CDH8: variants seen among roughly 807,000 people sequenced by gnomAD.
CDH8 encodes the protein cadherin 8.
In CDH8, 17 loss-of-function variants were observed where a neutral mutation model predicts 68.1. That is an observed-to-expected ratio of 0.25 (90% CI 0.17 to 0.37). The LOEUF (loss-of-function observed/expected upper bound fraction) is 0.37. CDH8 is among the 10% of genes least tolerant of loss of function. The probability of loss-of-function intolerance (pLI) is 1.00; values close to 1 mark genes in which losing one functional copy is unlikely to be tolerated. For synonymous variants in CDH8, 372 were observed against 365.1 expected, an observed-to-expected ratio of 1.02 and a Z score of -0.21; for missense variants, 763 against 999.3, an observed-to-expected ratio of 0.76 and a Z score of 3.19.
chr16:61,851,185 G>C lies in CDH8; in HGVS notation c.667+5934C>G, dbSNP rs77587771. The stretch of plus-strand genomic sequence containing the variant: ...ATAAAAAGGACTCAATTCCATGAAG[G>C]CATTCCATGAAGACTCCATGTATTA... On this transcript the variant is annotated intron_variant, in intron 4 of 11. Coordinates refer to ENST00000577390, the MANE Select transcript of CDH8 (RefSeq NM_001796.5). 1.1e-3 allele frequency among the ~76,000 whole-genome samples: 168 copies of C among 152,016 alleles called. 1 individual carries two copies. Among genetic ancestry groups the C allele is most frequent in the African/African-American group, 4.0e-3 (164 of 41,500 alleles).
chr16:61,701,049 G>T (rs924189610), intron 10 of CDH8, among the ~76,000 whole-genome samples: 5 of 152,078 alleles, frequency 3.3e-5, no homozygotes, highest in African/African-American at 1.2e-4. Context: ...ACTAATAAAA[G>T]AATAAATAAA....
intron 2 of CDH8, among the ~76,000 whole-genome samples, chr16:62,020,141 C>A (rs1183260232): frequency 6.6e-6 from 1 of 152,094 alleles, no homozygotes; most frequent in Non-Finnish European, 1.5e-5. Flanking sequence ...TCAGAAGTTC[C>A]CAGTGAAACA....
intron 2 of CDH8, among the ~76,000 whole-genome samples, chr16:61,949,520 T>C (rs527261689): frequency 3.8e-4 from 58 of 152,236 alleles, no homozygotes; most frequent in Middle Eastern, 3.4e-3. Context: ...ATCTTGCTGC[T>C]GCTCACTCTT....
At chr16:61,953,275 A>G (rs775616281) in intron 2 of CDH8, among the ~76,000 whole-genome samples, 52 of 152,162 alleles carry the variant, frequency 3.4e-4, no homozygotes, top group Non-Finnish European at 6.3e-4. Context: ...ATATAAATTA[A>G]TACAAGACAT....
intron 1 of CDH8, among the ~76,000 whole-genome samples, chr16:62,034,488 T>C (rs1039017061): frequency 6.6e-6 from 1 of 152,024 alleles, no homozygotes; most frequent in Non-Finnish European, 1.5e-5. Context: ...GTCAGGAGTG[T>C]TGTAAAGAGA....
At chr16:61,911,658 T>G (rs1964165309) in intron 2 of CDH8, among the ~76,000 whole-genome samples, 1 of 149,568 alleles carries the variant, frequency 6.7e-6, no homozygotes. Context: ...TTTTCACTCT[T>G]GATAGGTAGA....
chr16:61,879,355 C>T (rs1963525530), intron 3 of CDH8, among the ~76,000 whole-genome samples: 1 of 152,190 alleles, frequency 6.6e-6, no homozygotes, highest in East Asian at 1.9e-4. Flanking sequence ...ATTTCTGAAT[C>T]AATTTGGTTC....
chr16:61,655,525 A>G lies in CDH8; in HGVS notation c.1851T>C (p.Ile617=). 1.2e-6 allele frequency: 2 copies of G among 1,614,114 alleles called. No individual in the cohort carries two copies. Among genetic ancestry groups the G allele is most frequent in the East Asian group, 2.2e-5 (1 of 44,850 alleles). The stretch of plus-strand genomic sequence containing the variant: ...CAATTAAGGCGCCCATACTGAGTCC[A>G]ATTGGAAGGACATAAGCTTCGACAT... The part of the protein sequence containing the change: ...SCNVEAYVLP[I]GLSMGALIAI... Residue 617 remains isoleucine (I), a synonymous_variant, in exon 11 of 12, where the codon ATT becomes ATC. Transcript: ENST00000577390.
At chr16:61,676,425 C>T (rs1963912773) in intron 10 of CDH8, among the ~76,000 whole-genome samples, 1 of 151,832 alleles carries the variant, frequency 6.6e-6, no homozygotes, top group South Asian at 2.1e-4. Flanking sequence ...ATGATATTAA[C>T]ATTACTTAGT....
chr16:61,861,308 C>G (rs1283055543), intron 3 of CDH8, among the ~76,000 whole-genome samples: 5 of 152,176 alleles, frequency 3.3e-5, no homozygotes, highest in African/African-American at 1.2e-4. Flanking sequence ...ATTGTGATTA[C>G]TTTGAAGAAC....
chr16:61,921,867 T>TA (rs1490662156), intron 2 of CDH8, among the ~76,000 whole-genome samples: 1 of 151,924 alleles, frequency 6.6e-6, no homozygotes, highest in Non-Finnish European at 1.5e-5. Flanking sequence ...CCATCTCTAC[T>TA]AAAAAATACA....
chr16:61,862,135 T>TCACACACACACACA (rs3069990), intron 3 of CDH8, among the ~76,000 whole-genome samples: 1 of 146,230 alleles, frequency 6.8e-6, no homozygotes, highest in East Asian at 2.0e-4. Flanking sequence ...CAAACACCAC[T>TCACACACACACACA]CACACACACA....
chr16:62,025,093 T>C (rs1434581372), intron 1 of CDH8, among the ~76,000 whole-genome samples: 3 of 152,180 alleles, frequency 2.0e-5, no homozygotes, highest in Non-Finnish European at 4.4e-5. Flanking sequence ...AAAGAAGGTT[T>C]CCTAGAGGGG....
intron 3 of CDH8, 110 bp downstream of exon 3, chr16:61,901,069 G>A: frequency 1.0e-6 from 1 of 1,004,402 alleles, no homozygotes; most frequent in Non-Finnish European, 1.5e-6. Flanking sequence ...ATGCAAATTA[G>A]AGATAAGGTG....
chr16:61,832,005 T>C lies in CDH8; in HGVS notation c.668-6826A>G, dbSNP rs372953040. On this transcript the variant is annotated intron_variant, in intron 4 of 11. Transcript: ENST00000577390. ...GGTAAAAGGCTATAAGAGACAATAC[T>C]TCTATAAGTGGGGGGGTCATGTACT... is the stretch of plus-strand genomic sequence containing the variant. 6.6e-5 allele frequency among the ~76,000 whole-genome samples: 10 copies of C among 151,850 alleles called. No homozygotes were observed. In the South Asian group the frequency reaches 2.1e-3, roughly 32 times the overall value.
At chr16:61,959,965 GGTGTAT>G (rs563379283) in intron 2 of CDH8, among the ~76,000 whole-genome samples, 2,334 of 56,438 alleles carry the variant, frequency 0.041, 61 homozygotes, top group African/African-American at 0.058. Context: ...CTCTGTATGT[GGTGTAT>G]GTGTGTGTGT....
chr16:62,007,278 C>T (rs1297988319), intron 2 of CDH8, among the ~76,000 whole-genome samples: 2 of 152,164 alleles, frequency 1.3e-5, no homozygotes, highest in Non-Finnish European at 2.9e-5. Flanking sequence ...CCTTTTCTAC[C>T]TCCCACGTCT....
intron 5 of CDH8, among the ~76,000 whole-genome samples, chr16:61,822,856 G>A (rs1962247049): frequency 2.0e-5 from 3 of 152,026 alleles, no homozygotes; most frequent in Admixed American, 1.3e-4. Context: ...GGGAAGCCAA[G>A]CAAATGGAAC....
At chr16:61,734,733 T>C (rs1959629253) in intron 8 of CDH8, among the ~76,000 whole-genome samples, 2 of 152,278 alleles carry the variant, frequency 1.3e-5, no homozygotes, top group African/African-American at 2.4e-5. Context: ...ATCTATCCAG[T>C]AAATGTGAGA....
Sources: gnomAD v4.1 joint callset for allele counts (sites outside exome capture counted in the v4.1 genomes callset) on GRCh38, gnomAD v4.1.1 for gene constraint, MANE v1.5 for transcripts, NCBI Gene and HGNC (gene_info 2026-07-23, HGNC 2026-07-21) for gene names.